The following ADGRV1 variants were observed in gnomAD, a reference collection of about 807,000 sequenced individuals.
ADGRV1 encodes adhesion G protein-coupled receptor V1, also known as G-protein coupled receptor 98.
Under a neutral mutation model 596.2 loss-of-function variants are expected in ADGRV1, and 359 were observed. The observed-to-expected ratio is 0.60, with a 90% CI of 0.55 to 0.66. The LOEUF (loss-of-function observed/expected upper bound fraction) is 0.66. Among genes scored for constraint, ADGRV1 ranks in the 30% least tolerant of loss-of-function variants. ADGRV1 has a pLI of 0.00. For missense variants in ADGRV1, 7,274 were observed against 7,575.6 expected, an observed-to-expected ratio of 0.96 and a Z score of 1.48; for synonymous variants, 2,681 against 2,679.2, an observed-to-expected ratio of 1.00 and a Z score of -0.02.
intron 85 of ADGRV1, among the ~76,000 whole-genome samples, chr5:91,038,754 A>G (rs1297503606): frequency 6.6e-6 from 1 of 152,188 alleles, no homozygotes; most frequent in African/African-American, 2.4e-5. Flanking sequence ...CCTAAGAACT[A>G]ACTTTGGTAC....
At chr5:90,964,588 G>A (rs753445999) in intron 83 of ADGRV1, among the ~76,000 whole-genome samples, 2 of 152,108 alleles carry the variant, frequency 1.3e-5, no homozygotes, top group African/African-American at 2.4e-5. Context: ...CACTTCACTT[G>A]CTCATTACTC....
rs1394645350 is a variant in ADGRV1, at chr5:90,629,229, A to G, written c.1529A>G (p.Asp510Gly). ...EPAELLFYIQDSDDVYGLITF... is the reference protein window; with the variant it reads ...EPAELLFYIQGSDDVYGLITF... ...CTTCAGCTTTTGTTCTACATTCAGG[A>G]TAGTGATGATGTCTATGGCCTAATA... Residue 510 changes from aspartate to glycine, a missense_variant, in exon 9 of 90, where the codon GAT becomes GGT. Coordinates refer to ENST00000405460, the MANE Select transcript of ADGRV1 (RefSeq NM_032119.4). The G allele has an allele frequency of 6.3e-7, 1 of 1,592,082 alleles. No homozygotes were observed. The highest frequency in any genetic ancestry group is 8.6e-7 in the Non-Finnish European group (1 of 1,169,560).
chr5:90,737,415 T>A (rs1035368982), intron 50 of ADGRV1, among the ~76,000 whole-genome samples: 3 of 151,970 alleles, frequency 2.0e-5, no homozygotes, highest in Admixed American at 6.5e-5. Flanking sequence ...TGCTTTTGGA[T>A]AGAAGATTTT....
chr5:90,707,822 C>A (rs895636102), intron 38 of ADGRV1, among the ~76,000 whole-genome samples: 19 of 151,854 alleles, frequency 1.3e-4, no homozygotes, highest in Non-Finnish European at 2.9e-5. Flanking sequence ...TTTTCTGCTC[C>A]CTGATTAGCA....
chr5:90,985,043 A>G (rs1473947355), intron 84 of ADGRV1, among the ~76,000 whole-genome samples: 1 of 152,248 alleles, frequency 6.6e-6, no homozygotes, highest in East Asian at 1.9e-4. Flanking sequence ...ACACGTTTAC[A>G]AAACAGTCAT....
intron 54 of ADGRV1, among the ~76,000 whole-genome samples, chr5:90,754,259 T>C (rs1043103228): frequency 4.6e-5 from 7 of 152,176 alleles, no homozygotes; most frequent in African/African-American, 1.4e-4. Context: ...GTAATTAGAA[T>C]AATTTTATCC....
At chr5:90,893,850 T>C (rs1771055051) in intron 83 of ADGRV1, among the ~76,000 whole-genome samples, 2 of 152,234 alleles carry the variant, frequency 1.3e-5, no homozygotes, top group South Asian at 4.1e-4. Flanking sequence ...GTTGTTCATT[T>C]TGGAGATTAT....
intron 87 of ADGRV1, among the ~76,000 whole-genome samples, chr5:91,140,632 A>G (rs1795020278): frequency 1.3e-5 from 2 of 152,040 alleles, no homozygotes; most frequent in African/African-American, 4.8e-5. Context: ...CCATTTGACC[A>G]CCTCCAATCT....
intron 89 of ADGRV1, among the ~76,000 whole-genome samples, chr5:91,161,620 G>T (rs564484098): frequency 3.3e-5 from 5 of 151,450 alleles, no homozygotes; most frequent in African/African-American, 1.2e-4. Context: ...ATTGTCACTG[G>T]CAATATTCTG....
At chr5:91,094,202 A>G (rs1263999209) in intron 86 of ADGRV1, among the ~76,000 whole-genome samples, 6 of 152,016 alleles carry the variant, frequency 3.9e-5, no homozygotes, top group African/African-American at 1.4e-4. Flanking sequence ...GCTCACGCCT[A>G]TAAACCCAGC....
chr5:91,001,718 T>G (rs998635357), intron 85 of ADGRV1, among the ~76,000 whole-genome samples: 1 of 152,242 alleles, frequency 6.6e-6, no homozygotes, highest in Non-Finnish European at 1.5e-5. Flanking sequence ...ATATTTTTAT[T>G]GCATGTTTCA....
chr5:90,884,644 T>G (rs983937051), intron 83 of ADGRV1, among the ~76,000 whole-genome samples: 18 of 152,192 alleles, frequency 1.2e-4, no homozygotes, highest in Non-Finnish European at 1.9e-4. Flanking sequence ...GCCCTCTTCC[T>G]TATGTGCTTT....
At chr5:90,667,496 C>G (rs1399907991) in intron 21 of ADGRV1, among the ~76,000 whole-genome samples, 5 of 147,586 alleles carry the variant, frequency 3.4e-5, no homozygotes. Flanking sequence ...ATTGATTATT[C>G]TAGTTATACA....
In ADGRV1 at chr5:90,886,846, G is replaced by A. The variant is rs1449424753; in HGVS notation, c.17856+22989G>A. ...TATTCAGCTTACCAGCAAGACTTTT[G>A]TGTGCCAGCAAATTCTTTTAATTCT... On this transcript the variant is annotated intron_variant, in intron 83 of 89. Coordinates refer to ENST00000405460, the MANE Select transcript of ADGRV1 (RefSeq NM_032119.4). 7.9e-5 allele frequency among the ~76,000 whole-genome samples: 12 copies of A among 152,240 alleles called. No individual in the cohort carries two copies. In the South Asian group the frequency reaches 2.5e-3, roughly 32 times the overall value.
intron 78 of ADGRV1, among the ~76,000 whole-genome samples, chr5:90,847,292 T>A (rs1296119019): frequency 6.6e-6 from 1 of 152,016 alleles, no homozygotes; most frequent in Non-Finnish European, 1.5e-5. Context: ...AGATACAGAG[T>A]GCCTATTGGT....
At chr5:91,144,853 G>A (rs1364015850) in intron 87 of ADGRV1, among the ~76,000 whole-genome samples, 1 of 152,350 alleles carries the variant, frequency 6.6e-6, no homozygotes, top group East Asian at 1.9e-4. Context: ...CTCAGTGCTT[G>A]CCAATGCACG....
intron 83 of ADGRV1, among the ~76,000 whole-genome samples, chr5:90,945,153 G>A (rs1157349438): frequency 6.6e-6 from 1 of 151,926 alleles, no homozygotes; most frequent in African/African-American, 2.4e-5. Flanking sequence ...ATAAATCCAG[G>A]CCCTCTTTAA....
intron 6 of ADGRV1, 33 bp downstream of exon 6, chr5:90,625,276 G>A (rs1764593999): frequency 7.3e-7 from 1 of 1,365,022 alleles, no homozygotes; most frequent in Non-Finnish European, 1.0e-6. Context: ...AATGGGACAA[G>A]GATTCTGTGT....
At chr5:91,069,741 C>G (rs1788206329) in intron 85 of ADGRV1, among the ~76,000 whole-genome samples, 1 of 152,184 alleles carries the variant, frequency 6.6e-6, no homozygotes, top group African/African-American at 2.4e-5. Flanking sequence ...TTTGTCCCAG[C>G]AATCCCATTA....
Sources: allele counts gnomAD v4.1 joint callset (sites outside exome capture counted in the v4.1 genomes callset), GRCh38; gene constraint gnomAD v4.1.1; transcripts MANE v1.5; gene names NCBI Gene and HGNC (gene_info 2026-07-23, HGNC 2026-07-21).